The following COL19A1 variants were observed in gnomAD, a reference collection of about 807,000 sequenced individuals.
The protein encoded by COL19A1 is collagen alpha-1(XIX) chain.
Under a neutral mutation model 190.2 loss-of-function variants are expected in COL19A1, and 159 were observed. The observed-to-expected ratio is 0.84, with a 90% confidence interval of 0.73 to 0.95. COL19A1 has a LOEUF of 0.95. Ranked by LOEUF, COL19A1 falls within the 40% of genes least tolerant of loss-of-function variation. COL19A1 has a pLI of 0.00. For missense variants in COL19A1, 1,418 were observed against 1,431.9 expected, an observed-to-expected ratio of 0.99 and a Z score of 0.16; for synonymous variants, 509 against 458.9, an observed-to-expected ratio of 1.11 and a Z score of -1.39.
chr6:70,069,733 C>T (rs1781439652), intron 15 of COL19A1, among the ~76,000 whole-genome samples: 2 of 152,166 alleles, frequency 1.3e-5, no homozygotes, highest in Non-Finnish European at 2.9e-5. Flanking sequence ...ACTGCTAAGT[C>T]AGGTCTTCAC....
intron 15 of COL19A1, among the ~76,000 whole-genome samples, chr6:70,082,113 A>G (rs1206919643): frequency 6.6e-6 from 1 of 152,164 alleles, no homozygotes; most frequent in African/African-American, 2.4e-5. Flanking sequence ...TTTTCCACCA[A>G]AAGAAGATGC....
chr6:70,177,661 C>CT (rs1177481447), intron 42 of COL19A1, among the ~76,000 whole-genome samples: 5 of 152,250 alleles, frequency 3.3e-5, no homozygotes, highest in Non-Finnish European at 5.9e-5. Context: ...TGACTACACA[C>CT]TTAATTCTAT....
chr6:70,070,001 T>C (rs1458036272), intron 15 of COL19A1, among the ~76,000 whole-genome samples: 1 of 152,140 alleles, frequency 6.6e-6, no homozygotes, highest in Non-Finnish European at 1.5e-5. Context: ...CTGACAACCC[T>C]GTGTAACACC....
chr6:69,906,995 A>C (rs1428732050), intron 4 of COL19A1, among the ~76,000 whole-genome samples: 2 of 152,068 alleles, frequency 1.3e-5, no homozygotes. Flanking sequence ...AAACTGTCAT[A>C]TGTGTTGTAA....
chr6:70,086,308 A>G (rs2150170001), intron 15 of COL19A1, among the ~76,000 whole-genome samples: 1 of 152,258 alleles, frequency 6.6e-6, no homozygotes, highest in South Asian at 2.1e-4. Flanking sequence ...GATAAATCTT[A>G]AAAACAATAA....
chr6:70,210,557 T>C lies in COL19A1; in HGVS notation c.*3283T>C, dbSNP rs567946785. Reference sequence around the variant, plus strand: ...TACGTTGTCTGTGAAAATTATCATTTGATATTTGGCTTATAAAGTAATTTT... The same window carrying C: ...TACGTTGTCTGTGAAAATTATCATTCGATATTTGGCTTATAAAGTAATTTT... On this transcript the variant is annotated 3_prime_UTR_variant, in exon 51 of 51. Coordinates refer to ENST00000620364, the MANE Select transcript of COL19A1 (RefSeq NM_001858.6). Among the ~76,000 whole-genome samples, 3 of 152,292 alleles carry C rather than the reference T, an allele frequency of 2.0e-5. No homozygotes were observed. The East Asian group carries it at 5.8e-4, about 29-fold the overall frequency.
At chr6:69,907,772 G>A (rs868238339) in intron 4 of COL19A1, among the ~76,000 whole-genome samples, 5 of 152,132 alleles carry the variant, frequency 3.3e-5, no homozygotes, top group African/African-American at 7.2e-5. Context: ...GGTAGCATTC[G>A]GTAAGTCACT....
chr6:70,208,112 G>A lies in COL19A1; in HGVS notation c.*838G>A, dbSNP rs923458811. 2 of 152,136 alleles carry A rather than the reference G, an allele frequency of 1.3e-5. No individual in the cohort carries two copies. The highest frequency in any genetic ancestry group is 4.8e-5 in the African/African-American group (2 of 41,428). The allele number at this position is 152,136 out of a possible 1,614,324, so 9.4% of individuals were successfully genotyped here. ...AAACAGAAAGCTGTTTTCCCTACAA[G>A]GTGCTTGGTGGTGAAGCCACCAAGC... On this transcript the variant is annotated 3_prime_UTR_variant, in exon 51 of 51. Transcript: ENST00000620364.
chr6:69,934,909 T>C (rs1773003779), intron 7 of COL19A1, among the ~76,000 whole-genome samples: 1 of 152,024 alleles, frequency 6.6e-6, no homozygotes, highest in South Asian at 2.1e-4. Context: ...TTTTCTTTTT[T>C]GTTGCAAAAT....
chr6:70,111,578 A>G (rs186767744), intron 16 of COL19A1, among the ~76,000 whole-genome samples: 1 of 152,318 alleles, frequency 6.6e-6, no homozygotes, highest in African/African-American at 2.4e-5. Context: ...AAAACATTCT[A>G]TGGGATTAGT....
At chr6:70,146,929 T>C in intron 27 of COL19A1, 40 bp downstream of exon 27, 1 of 1,507,144 alleles carries the variant, frequency 6.6e-7, no homozygotes, top group Admixed American at 2.4e-5. Context: ...ATTCCAACAT[T>C]GTGAAACAAA....
intron 1 of COL19A1, among the ~76,000 whole-genome samples, chr6:69,873,474 A>C (rs1432803264): frequency 1.3e-5 from 2 of 152,202 alleles, no homozygotes; most frequent in Non-Finnish European, 2.9e-5. Flanking sequence ...GAAAGAAAAA[A>C]AATGAGGGAT....
chr6:70,129,159 T>C (rs920424005), intron 17 of COL19A1, among the ~76,000 whole-genome samples: 4 of 152,242 alleles, frequency 2.6e-5, no homozygotes, highest in African/African-American at 7.2e-5. Flanking sequence ...TAAGGCTGTC[T>C]TGGTCAGTGG....
chr6:69,870,794 A>C (rs1241697631), intron 1 of COL19A1, among the ~76,000 whole-genome samples: 2 of 152,200 alleles, frequency 1.3e-5, no homozygotes, highest in Non-Finnish European at 2.9e-5. Context: ...AGTCTATTGC[A>C]ATTTTCCAGA....
intron 10 of COL19A1, among the ~76,000 whole-genome samples, chr6:69,960,393 C>G (rs984250862): frequency 6.6e-6 from 1 of 152,156 alleles, no homozygotes; most frequent in Non-Finnish European, 1.5e-5. Flanking sequence ...GTTTTGTTAC[C>G]TCTTGCTTAT....
At position 69,942,949 on chromosome 6, in the gene COL19A1, A is replaced by G. The variant is rs551734599; in HGVS notation, c.936+4849A>G. Among the ~76,000 whole-genome samples, 4 of 152,084 alleles carry G rather than the reference A, an allele frequency of 2.6e-5. No individual in the cohort carries two copies. In the East Asian group the frequency reaches 7.7e-4, roughly 29 times the overall value. ...GATTTCTGGATCACATGGTAGTTCCATTTTTAGTTTTTTGAGGCATTTCCA... is the reference window on the plus strand; with the variant it reads ...GATTTCTGGATCACATGGTAGTTCCGTTTTTAGTTTTTTGAGGCATTTCCA... On this transcript the variant is annotated intron_variant, in intron 9 of 50. Coordinates refer to ENST00000620364, the MANE Select transcript of COL19A1 (RefSeq NM_001858.6).
intron 11 of COL19A1, among the ~76,000 whole-genome samples, chr6:70,010,725 G>A (rs1189708727): frequency 1.5e-5 from 2 of 134,478 alleles, no homozygotes; most frequent in East Asian, 4.8e-4. Context: ...ACGGAATCTC[G>A]CTGATTGCTA....
intron 11 of COL19A1, among the ~76,000 whole-genome samples, chr6:69,991,263 A>T (rs572132669): frequency 5.9e-5 from 9 of 152,080 alleles, no homozygotes; most frequent in African/African-American, 2.2e-4. Context: ...CATGGTGTGT[A>T]TGTAGCTCAT....
rs555140656 is a variant in COL19A1, at chr6:69,931,171, A to G, written c.666+1471A>G. 1.8e-4 allele frequency among the ~76,000 whole-genome samples: 28 copies of G among 152,278 alleles called. No homozygotes were observed. In the South Asian group the frequency reaches 2.7e-3, roughly 15 times the overall value. On this transcript the variant is annotated intron_variant, in intron 6 of 50. Transcript: ENST00000620364. ...CTGTGTGTTATTGAAAAAAATTATC[A>G]TGATTTAGTTTTATTTCACCTATCC... is the stretch of plus-strand genomic sequence containing the variant.
Sources: gnomAD v4.1 joint callset for allele counts (sites outside exome capture counted in the v4.1 genomes callset) on GRCh38, gnomAD v4.1.1 for gene constraint, MANE v1.5 for transcripts, NCBI Gene and HGNC (gene_info 2026-07-23, HGNC 2026-07-21) for gene names.